The following ZBTB25 variants were observed in gnomAD, a reference collection of about 807,000 sequenced individuals.
The protein encoded by ZBTB25 is zinc finger and BTB domain-containing protein 25.
In ZBTB25, 20 loss-of-function variants were observed where a neutral mutation model predicts 34.2. The observed-to-expected ratio is 0.58, with a 90% CI of 0.41 to 0.85. The LOEUF (loss-of-function observed/expected upper bound fraction) is 0.85, where lower values mean the gene tolerates loss of function less well. Among genes scored for constraint, ZBTB25 ranks in the 40% least tolerant of loss-of-function variants. The pLI, the probability that ZBTB25 is intolerant of heterozygous loss-of-function variation, is 0.00. For missense variants in ZBTB25, 437 were observed against 521.8 expected (o/e 0.84, Z 1.58); for synonymous variants, 175 against 186.4 (o/e 0.94, Z 0.50).
intron 2 of ZBTB25, chr14:64,458,091 A>G (rs2078504147): frequency 7.5e-6 from 6 of 795,366 alleles, no homozygotes; most frequent in Admixed American, 1.7e-5. Context: ...GGGTCTCACT[A>G]TGTTGCCCAG....
chr14:64,459,993 A>C, intron 2 of ZBTB25: 2 of 1,411,930 alleles, frequency 1.4e-6, no homozygotes, highest in Non-Finnish European at 1.9e-6. Context: ...AATAAAAGGA[A>C]ACAAGTTTGC....
At chr14:64,500,856 G>A (rs1219528035) in intron 1 of ZBTB25, among the ~76,000 whole-genome samples, 8 of 152,280 alleles carry the variant, frequency 5.3e-5, no homozygotes, top group Admixed American at 2.0e-4. Flanking sequence ...TTCAAGACCC[G>A]CCTGGCCAAC....
chr14:64,503,679 G>C lies in ZBTB25; in HGVS notation c.-26C>G. 1.1e-5 allele frequency: 10 copies of C among 897,270 alleles called. No individual in the cohort carries two copies. The highest frequency in any genetic ancestry group is 1.3e-5 in the Non-Finnish European group (10 of 749,714). The allele number at this position is 897,270 out of a possible 1,614,324, so 55.6% of individuals were successfully genotyped here. A position where few individuals can be genotyped will look rare whatever the true frequency, so the allele number is the denominator to read the frequency against. Reference sequence around the variant, plus strand: ...CGCTTACCCAGATGCCGCCGCGGCGGCAGGCCGACTCCTCCGTGCAGGAGG... The same window carrying C: ...CGCTTACCCAGATGCCGCCGCGGCGCCAGGCCGACTCCTCCGTGCAGGAGG... On this transcript the variant is annotated 5_prime_UTR_variant, in exon 1 of 3. Coordinates refer to ENST00000608382, the MANE Select transcript of ZBTB25 (RefSeq NM_006977.5).
At position 64,480,448 on chromosome 14, in the gene ZBTB25, AAC is replaced by A; in HGVS notation, c.*6473_*6474del. The A allele has an allele frequency of 2.9e-6, 1 of 350,300 alleles. No individual in the cohort carries two copies. The highest frequency in any genetic ancestry group is 5.5e-6 in the Non-Finnish European group (1 of 181,702). The allele number at this position is 350,300 out of a possible 1,614,324, so 21.7% of individuals were successfully genotyped here. A position where few individuals can be genotyped will look rare whatever the true frequency, so the allele number is the denominator to read the frequency against. On this transcript the variant is annotated 3_prime_UTR_variant, in exon 3 of 3. Transcript: ENST00000608382. ...TTGATTAGGACGTCAATTTTCGATTAACACAGATTATGGTCGGTAAGAATTAG... is the reference window on the plus strand; with the variant it reads ...TTGATTAGGACGTCAATTTTCGATTAACAGATTATGGTCGGTAAGAATTAG...
At chr14:64,468,918 A>G (rs1455686090) in intron 2 of ZBTB25, 1 of 1,614,196 alleles carries the variant, frequency 6.2e-7, no homozygotes, top group Admixed American at 1.7e-5. Flanking sequence ...CAGGCAACAA[A>G]GGCTAAGTCA....
At chr14:64,505,210 C>G (rs905330952), upstream of ZBTB25, 1 of 298,866 alleles carries the variant, frequency 3.3e-6, no homozygotes, top group Non-Finnish European at 6.1e-6. Flanking sequence ...TAGTTACCTT[C>G]TTTTCTTTCT....
chr14:64,503,070 A>AAC (rs2079550951), intron 1 of ZBTB25: 1 of 985,244 alleles, frequency 1.0e-6, no homozygotes, highest in African/African-American at 1.7e-5. Flanking sequence ...CGCAACTGGT[A>AAC]ACAACTGATT....
In ZBTB25 at chr14:64,485,087, T is replaced by C; in HGVS notation, c.*1836A>G. ...AGAAACTCAACTGCCTTACACAATA[T>C]CCAGTAGCTTTCTTCATTCAATCCT... is the stretch of plus-strand genomic sequence containing the variant. On this transcript the variant is annotated 3_prime_UTR_variant, in exon 3 of 3. Transcript: ENST00000608382. 2.0e-6 allele frequency: 2 copies of C among 985,458 alleles called. No individual in the cohort carries two copies. The highest frequency in any genetic ancestry group is 2.4e-6 in the Non-Finnish European group (2 of 829,938). The allele number at this position is 985,458 out of a possible 1,614,324, so 61.0% of individuals were successfully genotyped here.
intron 1 of ZBTB25, among the ~76,000 whole-genome samples, chr14:64,497,368 G>A (rs879400827): frequency 1.3e-5 from 2 of 151,182 alleles, no homozygotes; most frequent in Non-Finnish European, 2.9e-5. Flanking sequence ...TTCTTTGACT[G>A]TCTATTTTAT....
intron 2 of ZBTB25, chr14:64,472,925 G>A (rs2078689720): frequency 6.0e-6 from 1 of 166,890 alleles, no homozygotes; most frequent in Admixed American, 6.5e-5. Flanking sequence ...CATTTGCTGT[G>A]GTATAAATTC....
upstream of ZBTB25, among the ~76,000 whole-genome samples, chr14:64,504,263 G>C (rs2079597231): frequency 6.9e-6 from 1 of 145,464 alleles, no homozygotes; most frequent in South Asian, 2.1e-4. Flanking sequence ...GGTGGGGTCG[G>C]GGGGGCGCGG....
rs1555345816 is a variant in ZBTB25, at chr14:64,500,475, A to AG, written c.-8+3185_-8+3186insC. On this transcript the variant is annotated intron_variant, in intron 1 of 2. Transcript: ENST00000608382. The stretch of plus-strand genomic sequence containing the variant: ...AAAGCAAAAAAAAAAAAAAAAAAAA[A>AG]AGAGAGAGAGAGAGAAAGAAAATTC... Among the ~76,000 whole-genome samples the AG allele has an allele frequency of 8.1e-4, 57 of 70,594 alleles. 1 individual carries two copies. The East Asian group carries it at 0.013, about 16-fold the overall frequency. 46.3% of individuals were successfully genotyped at this position (70,594 alleles called of 152,430 possible). A position where few individuals can be genotyped will look rare whatever the true frequency, so the allele number is the denominator to read the frequency against.
chr14:64,459,780 G>A, intron 2 of ZBTB25: 1 of 1,533,866 alleles, frequency 6.5e-7, no homozygotes, highest in Non-Finnish European at 8.7e-7. Context: ...TCTTCAAGAA[G>A]CTACTTTGAA....
rs192010673 is a variant in ZBTB25 at position 64,472,548 on chromosome 14, G to A, written c.173+17813C>T. Reference sequence around the variant, plus strand: ...AATGTACTGATTGTTTTTATGATAAGATGTATATTTTACTTGCATTCATTC... The same window carrying A: ...AATGTACTGATTGTTTTTATGATAAAATGTATATTTTACTTGCATTCATTC... On this transcript the variant is annotated intron_variant, in intron 2 of 2. Transcript: ENST00000555220. 7.2e-5 allele frequency: 12 copies of A among 166,996 alleles called. No homozygotes were observed. The East Asian group carries it at 2.1e-3, about 29-fold the overall frequency. The allele number at this position is 166,996 out of a possible 1,614,324, so 10.3% of individuals were successfully genotyped here. A position where few individuals can be genotyped will look rare whatever the true frequency, so the allele number is the denominator to read the frequency against.
At chr14:64,503,303 C>T (rs2079559573) in intron 1 of ZBTB25, 1 of 985,324 alleles carries the variant, frequency 1.0e-6, no homozygotes. Flanking sequence ...GGGGTCGGCG[C>T]TACCCGAGGG....
At chr14:64,474,049 A>G (rs1296797915), downstream of ZBTB25, 8 of 167,108 alleles carry the variant, frequency 4.8e-5, no homozygotes, top group Admixed American at 5.2e-4. Context: ...TAAGGGAGAC[A>G]GGCTCCCTGC....
chr14:64,457,925 G>A, intron 2 of ZBTB25: 1 of 526,234 alleles, frequency 1.9e-6, no homozygotes, highest in Non-Finnish European at 3.4e-6. Flanking sequence ...TTTAGACATG[G>A]CCTTGCTCTG....
intron 2 of ZBTB25, among the ~76,000 whole-genome samples, chr14:64,465,344 C>A (rs970013428): frequency 2.0e-5 from 3 of 151,946 alleles, no homozygotes; most frequent in Admixed American, 6.6e-5. Flanking sequence ...GGCAGGCAGG[C>A]AGGCTGCTGC....
At position 64,486,867 on chromosome 14, in the gene ZBTB25, A is replaced by T; in HGVS notation, c.*56T>A. On this transcript the variant is annotated 3_prime_UTR_variant, in exon 3 of 3. Coordinates refer to ENST00000608382, the MANE Select transcript of ZBTB25 (RefSeq NM_006977.5). ...GAGGAAAATAATTTATGAATTAAAA[A>T]TGCCACGCAAATTTTCTTTTTCAGA... 6.6e-7 allele frequency: 1 copy of T among 1,514,308 alleles called. No homozygotes were observed. The highest frequency in any genetic ancestry group is 1.4e-5 in the South Asian group (1 of 73,288). 93.8% of individuals were successfully genotyped at this position (1,514,308 alleles called of 1,614,324 possible). A position where few individuals can be genotyped will look rare whatever the true frequency, so the allele number is the denominator to read the frequency against.
Sources: allele counts gnomAD v4.1 joint callset (sites outside exome capture counted in the v4.1 genomes callset), GRCh38; gene constraint gnomAD v4.1.1; transcripts MANE v1.5; gene names NCBI Gene and HGNC (gene_info 2026-07-23, HGNC 2026-07-21).